ACKR1: variants seen among roughly 807,000 people sequenced by gnomAD.
The protein encoded by ACKR1 is atypical chemokine receptor 1.
In ACKR1, 3 loss-of-function variants were observed where a neutral mutation model predicts 2.5. That is an observed-to-expected ratio of 1.18 (90% confidence interval 0.54 to 3.06). The LOEUF is 3.06. ACKR1 is among the 30% of genes most tolerant of loss of function. ACKR1 has a pLI of 0.03. For missense variants in ACKR1, 438 were observed against 395.2 expected (o/e 1.11, Z -0.92); for synonymous variants, 208 against 178.2 (o/e 1.17, Z -1.33).
chr1:159,205,423 G>C (rs759588689), intron 1 of ACKR1, 38 bp from the exon 2 acceptor site: 1 of 1,579,442 alleles, frequency 6.3e-7, no homozygotes, highest in Non-Finnish European at 8.6e-7. Flanking sequence ...GACTCTTCCG[G>C]TGTAACTCTG....
Position 159,205,673 on chromosome 1 carries a change from T to C in ACKR1, c.234T>C (p.Thr78=). 1.2e-6 allele frequency: 2 copies of C among 1,614,256 alleles called. No homozygotes were observed. The highest frequency in any genetic ancestry group is 1.1e-5 in the South Asian group (1 of 91,090). Residue 78 remains threonine (T), a synonymous_variant, in exon 2 of 2, where the codon ACT becomes ACC. Coordinates refer to ENST00000368122, the MANE Select transcript of ACKR1 (RefSeq NM_002036.4). ...TSVLGILASS[T]VLFMLFRPLF... The stretch of plus-strand genomic sequence containing the variant: ...TCCTGGGTATCCTAGCTAGCAGCAC[T>C]GTCCTCTTCATGCTTTTCAGACCTC...
Position 159,205,421 on chromosome 1 carries a change from C to T in ACKR1, c.22-40C>T, listed in dbSNP as rs373948235. On this transcript the variant is annotated intron_variant, in intron 1 of 1. Transcript: ENST00000368122. Reference sequence around the variant, plus strand: ...CCCCTCAATTCCCAGGAGACTCTTCCGGTGTAACTCTGATGGCCTCCTCTG... The same window carrying T: ...CCCCTCAATTCCCAGGAGACTCTTCTGGTGTAACTCTGATGGCCTCCTCTG... The T allele has an allele frequency of 4.4e-5, 69 of 1,573,592 alleles. No individual in the cohort carries two copies. In the African/African-American group the frequency reaches 4.4e-4, roughly 10 times the overall value.
rs1470089063 is a variant in ACKR1 at position 159,205,819 on chromosome 1, C to T, written c.380C>T (p.Ala127Val). The T allele has an allele frequency of 6.2e-7, 1 of 1,613,974 alleles. No homozygotes were observed. The highest frequency in any genetic ancestry group is 1.1e-5 in the South Asian group (1 of 91,056). The change falls in exon 2 of 2, where the codon GCC (alanine) becomes GTC (valine). Residue 127 changes from alanine (A) to valine (V), a missense_variant. Ala to Val is a moderately conservative substitution (Grantham distance 64). Transcript: ENST00000368122. ...GGGCTAGGTAGCACTCGCAGCTCTG[C>T]CCTGTGTAGCCTGGGCTACTGTGTC... ...APGLGSTRSS[A>V]LCSLGYCVWY...
Position 159,206,002 on chromosome 1 carries a change from G to T in ACKR1, c.563G>T (p.Ser188Ile). Residue 188 changes from serine to isoleucine, a missense_variant, in exon 2 of 2, where the codon AGT becomes ATT. Ser to Ile is a moderately radical substitution (Grantham distance 142). Transcript: ENST00000368122. ...ALLTLPVTLA[S>I]GASGGLCTLI... ...CTGACACTGCCTGTCACCCTGGCCA[G>T]TGGTGCTTCTGGTGGACTCTGCACC... 1 of 1,614,220 alleles carries T rather than the reference G, an allele frequency of 6.2e-7. No individual in the cohort carries two copies. The highest frequency in any genetic ancestry group is 8.5e-7 in the Non-Finnish European group (1 of 1,180,018).
chr1:159,206,045 G>C lies in ACKR1; in HGVS notation c.606G>C (p.Glu202Asp). 1 of 1,614,244 alleles carries C rather than the reference G, an allele frequency of 6.2e-7. No individual in the cohort carries two copies. Among genetic ancestry groups the C allele is most frequent in the Non-Finnish European group, 8.5e-7 (1 of 1,180,038 alleles). Residue 202 changes from glutamate (E) to aspartate (D), a missense_variant, in exon 2 of 2, where the codon GAG (glutamate) becomes GAC (aspartate). By Grantham distance (45) the Glu-to-Asp change is conservative (BLOSUM62 2). Transcript: ENST00000368122. ...TCTGCACCCTGATATACAGCACGGA[G>C]CTGAAGGCTTTGCAGGCCACACACA... Reference protein sequence around the residue: ...GGLCTLIYSTELKALQATHTV... With the variant: ...GGLCTLIYSTDLKALQATHTV...
rs1232277550 is a variant in ACKR1, at chr1:159,205,165, G to T, written c.21+185G>T. The T allele has an allele frequency of 8.0e-6, 6 of 748,870 alleles. No homozygotes were observed. In the East Asian group the frequency reaches 1.6e-4, roughly 20 times the overall value. The allele number at this position is 748,870 out of a possible 1,614,324, so 46.4% of individuals were successfully genotyped here. A position where few individuals can be genotyped will look rare whatever the true frequency, so the allele number is the denominator to read the frequency against. ...TATGCTAGCCTCCTAGCTCCCTCTT[G>T]TGTCCCTCCCTTTGCCTTTGAGTCA... On this transcript the variant is annotated intron_variant, in intron 1 of 1. Transcript: ENST00000368122.
Position 159,204,995 on chromosome 1 carries a change from AG to A in ACKR1, c.21+17del, listed in dbSNP as rs1290900278. ...GTCTGCACAGGGTGAGTATGGGGCC[AG>A]GCCCCAGAGTCCCTTATCCCTATGC... On this transcript the variant is annotated intron_variant, in intron 1 of 1. Coordinates refer to ENST00000368122, the MANE Select transcript of ACKR1 (RefSeq NM_002036.4). The A allele has an allele frequency of 1.9e-6, 3 of 1,613,336 alleles. No homozygotes were observed. In the East Asian group the frequency reaches 6.7e-5, roughly 36 times the overall value.
rs376417728 is a variant in ACKR1 at position 159,205,995 on chromosome 1, C to G, written c.556C>G (p.Leu186Val). 1 of 1,614,082 alleles carries G rather than the reference C, an allele frequency of 6.2e-7. No homozygotes were observed. Among genetic ancestry groups the G allele is most frequent in the Non-Finnish European group, 8.5e-7 (1 of 1,180,026 alleles). The stretch of plus-strand genomic sequence containing the variant: ...TGCCCTACTGACACTGCCTGTCACC[C>G]TGGCCAGTGGTGCTTCTGGTGGACT... Reference protein sequence around the residue: ...VAALLTLPVTLASGASGGLCT... With the variant: ...VAALLTLPVTVASGASGGLCT... The change falls in exon 2 of 2, where the codon CTG becomes GTG. Residue 186 changes from leucine to valine, a missense_variant. Coordinates refer to ENST00000368122, the MANE Select transcript of ACKR1 (RefSeq NM_002036.4).
At position 159,206,377 on chromosome 1, in the gene ACKR1, G is replaced by T. The variant is rs769882904; in HGVS notation, c.938G>T (p.Arg313Leu). The T allele has an allele frequency of 2.3e-5, 37 of 1,614,098 alleles. No homozygotes were observed. The Middle Eastern group carries it at 6.6e-4, about 29-fold the overall frequency. Residue 313 changes from arginine (R) to leucine (L), a missense_variant, in exon 2 of 2, where the codon CGC becomes CTC. Coordinates refer to ENST00000368122, the MANE Select transcript of ACKR1 (RefSeq NM_002036.4). Reference protein sequence around the residue: ...LLALFCHQATRTLLPSLPLPE... With the variant: ...LLALFCHQATLTLLPSLPLPE... ...GCCCTATTCTGCCACCAGGCCACCC[G>T]CACCCTCTTGCCCTCTCTGCCCCTC... is the stretch of plus-strand genomic sequence containing the variant.
In ACKR1 at chr1:159,205,776, G is replaced by C; in HGVS notation, c.337G>C (p.Val113Leu). Reference sequence around the variant, plus strand: ...GGGCAGTGCCCTCTTCAGCATTGTGGTGCCCGTCTTGGCCCCAGGGCTAGG... The same window carrying C: ...GGGCAGTGCCCTCTTCAGCATTGTGCTGCCCGTCTTGGCCCCAGGGCTAGG... ...AVGSALFSIVVPVLAPGLGST... is the reference protein window; with the variant it reads ...AVGSALFSIVLPVLAPGLGST... The change falls in exon 2 of 2, where the codon GTG (valine) becomes CTG (leucine). Residue 113 changes from valine (V) to leucine (L), a missense_variant. By Grantham distance (32) the Val-to-Leu change is conservative. Coordinates refer to ENST00000368122, the MANE Select transcript of ACKR1 (RefSeq NM_002036.4). 1 of 1,614,154 alleles carries C rather than the reference G, an allele frequency of 6.2e-7. No homozygotes were observed. Among genetic ancestry groups the C allele is most frequent in the Non-Finnish European group, 8.5e-7 (1 of 1,180,012 alleles).
rs748607253 is a variant in ACKR1, at chr1:159,206,300, C to T, written c.861C>T (p.Asn287=). Residue 287 remains asparagine (N), a synonymous_variant, in exon 2 of 2, where the codon AAC becomes AAT. Coordinates refer to ENST00000368122, the MANE Select transcript of ACKR1 (RefSeq NM_002036.4). ...AGCAGGCTCTGGACCTGCTGCTGAA[C>T]CTGGCAGAAGCCCTGGCAATTTTGC... is the stretch of plus-strand genomic sequence containing the variant. The part of the protein sequence containing the change: ...LAQQALDLLL[N]LAEALAILHC... The T allele has an allele frequency of 1.3e-5, 21 of 1,614,222 alleles. No individual in the cohort carries two copies. In the South Asian group the frequency reaches 2.1e-4, roughly 16 times the overall value.
rs746281387 is a variant in ACKR1, at chr1:159,206,177, G to A, written c.738G>A (p.Leu246=). Residue 246 remains leucine, a synonymous_variant, in exon 2 of 2, where the codon CTG becomes CTA. Transcript: ENST00000368122. ...GGCCAGGCCCCTGGATGAATATCCT[G>A]TGGGCCTGGTTTATTTTCTGGTGGC... ...GMGPGPWMNI[L]WAWFIFWWPH... 7.4e-6 allele frequency: 12 copies of A among 1,614,240 alleles called. No individual in the cohort carries two copies. Among genetic ancestry groups the A allele is most frequent in the Non-Finnish European group, 1.0e-5 (12 of 1,180,042 alleles).
At chr1:159,205,051 G>T in intron 1 of ACKR1, 71 bp downstream of exon 1, 1 of 1,533,964 alleles carries the variant, frequency 6.5e-7, no homozygotes. Flanking sequence ...TTGCCCCTCA[G>T]TCTTTATATC....
chr1:159,205,263 TC>T, intron 1 of ACKR1, 197 bp from the exon 2 acceptor site: 1 of 733,634 alleles, frequency 1.4e-6, no homozygotes. Flanking sequence ...TGCCCTGGCT[TC>T]CCCAGGACTG....
At position 159,206,113 on chromosome 1, in the gene ACKR1, T is replaced by G; in HGVS notation, c.674T>G (p.Leu225Trp). The G allele has an allele frequency of 6.2e-7, 1 of 1,614,218 alleles. No homozygotes were observed. Among genetic ancestry groups the G allele is most frequent in the South Asian group, 1.1e-5 (1 of 91,090 alleles). The change falls in exon 2 of 2, where the codon TTG becomes TGG. Residue 225 changes from leucine to tryptophan, a missense_variant. Leu to Trp is a moderately conservative substitution (Grantham distance 61). Coordinates refer to ENST00000368122, the MANE Select transcript of ACKR1 (RefSeq NM_002036.4). ...LAIFVLLPLG[L>W]FGAKGLKKAL... is the part of the protein sequence containing the mutation. ...ATCTTTGTCTTGTTGCCATTGGGTT[T>G]GTTTGGAGCCAAGGGGCTGAAGAAG...
chr1:159,204,947 A>G lies in ACKR1; in HGVS notation c.-13A>G. 1 of 1,614,166 alleles carries G rather than the reference A, an allele frequency of 6.2e-7. No individual in the cohort carries two copies. Among genetic ancestry groups the G allele is most frequent in the Non-Finnish European group, 8.5e-7 (1 of 1,180,032 alleles). On this transcript the variant is annotated 5_prime_UTR_variant, in exon 1 of 2. Transcript: ENST00000368122. ...CCAGCCCTTCTGTCTGCGGGCCTGAACCAAACGGTGCCATGGGGAACTGTC... is the reference window on the plus strand; with the variant it reads ...CCAGCCCTTCTGTCTGCGGGCCTGAGCCAAACGGTGCCATGGGGAACTGTC...
In ACKR1 at chr1:159,205,567, C is replaced by T. The variant is rs1650412035; in HGVS notation, c.128C>T (p.Ala43Val). 2 of 1,614,228 alleles carry T rather than the reference C, an allele frequency of 1.2e-6. No individual in the cohort carries two copies. The highest frequency in any genetic ancestry group is 1.7e-6 in the Non-Finnish European group (2 of 1,180,032). ...NDSFPDGDYG[A>V]NLEAAAPCHS... Reference sequence around the variant, plus strand: ...TCCTTCCCAGATGGAGACTATGGTGCCAACCTGGAAGCAGCTGCCCCCTGC... The same window carrying T: ...TCCTTCCCAGATGGAGACTATGGTGTCAACCTGGAAGCAGCTGCCCCCTGC... Residue 43 changes from alanine (A) to valine (V), a missense_variant, in exon 2 of 2, where the codon GCC becomes GTC. Coordinates refer to ENST00000368122, the MANE Select transcript of ACKR1 (RefSeq NM_002036.4).
In ACKR1 at chr1:159,205,955, A is replaced by G; in HGVS notation, c.516A>G (p.Gly172=). Residue 172 remains glycine, a synonymous_variant, in exon 2 of 2, where the codon GGA becomes GGG. Transcript: ENST00000368122. ...VPGLTLGLTV[G]IWGVAALLTL... The stretch of plus-strand genomic sequence containing the variant: ...GCCTCACCCTGGGGCTCACTGTGGG[A>G]ATTTGGGGAGTGGCTGCCCTACTGA... 1 of 1,613,884 alleles carries G rather than the reference A, an allele frequency of 6.2e-7. No individual in the cohort carries two copies. Among genetic ancestry groups the G allele is most frequent in the Non-Finnish European group, 8.5e-7 (1 of 1,179,918 alleles).
At position 159,205,654 on chromosome 1, in the gene ACKR1, G is replaced by T; in HGVS notation, c.215G>T (p.Gly72Val). 1 of 1,614,212 alleles carries T rather than the reference G, an allele frequency of 6.2e-7. No individual in the cohort carries two copies. Among genetic ancestry groups the T allele is most frequent in the Non-Finnish European group, 8.5e-7 (1 of 1,180,024 alleles). The change falls in exon 2 of 2, where the codon GGT becomes GTT. Residue 72 changes from glycine to valine, a missense_variant. Physicochemically the swap from Gly to Val is moderately radical, Grantham distance 109 (BLOSUM62 -3). Coordinates refer to ENST00000368122, the MANE Select transcript of ACKR1 (RefSeq NM_002036.4). ...LPFFILTSVL[G>V]ILASSTVLFM... ...TTCTTCATCCTCACCAGTGTCCTGG[G>T]TATCCTAGCTAGCAGCACTGTCCTC...
Sources: gnomAD v4.1 joint callset for allele counts on GRCh38, gnomAD v4.1.1 for gene constraint, MANE v1.5 for transcripts, NCBI Gene and HGNC (gene_info 2026-07-23, HGNC 2026-07-21) for gene names.